Variants in ADSL observed in about 807,000 individuals in gnomAD.
ADSL encodes adenylosuccinase.
A neutral mutation model predicts 62.1 loss-of-function variants in ADSL; 44 were observed. The ratio of observed to expected loss-of-function variants is 0.71; its 90% CI spans 0.56 to 0.91. The LOEUF is 0.91. ADSL is among the 40% of genes least tolerant of loss of function. ADSL has a pLI of 0.00. For missense variants in ADSL, 531 were observed against 627.4 expected (o/e 0.85, Z 1.64); for synonymous variants, 198 against 220.5 (o/e 0.90, Z 0.90).
chr22:40,363,168 C>A, intron 10 of ADSL, 97 bp downstream of exon 10: 1 of 1,148,132 alleles, frequency 8.7e-7, no homozygotes, highest in East Asian at 2.4e-5. Flanking sequence ...TATTCTGATC[C>A]GATAGGCATT....
intron 3 of ADSL, 177 bp downstream of exon 3, chr22:40,353,294 TCTC>T (rs2044419285): frequency 1.4e-6 from 1 of 708,340 alleles, no homozygotes; most frequent in Non-Finnish European, 2.6e-6. Context: ...CCTTTCTTCT[TCTC>T]TTCCTCCTTC....
chr22:40,385,265 TG>T (rs1258018767), intron 2 of ADSL, among the ~76,000 whole-genome samples: 1 of 152,182 alleles, frequency 6.6e-6, no homozygotes, highest in Non-Finnish European at 1.5e-5. Context: ...AGTTGATTGA[TG>T]AAGCATGGGC....
chr22:40,354,871 A>C (rs1246457884), intron 4 of ADSL, among the ~76,000 whole-genome samples: 2 of 151,068 alleles, frequency 1.3e-5, no homozygotes, highest in Admixed American at 1.3e-4. Flanking sequence ...TCCGTCTCAA[A>C]AAAAAAAAAA....
At chr22:40,375,302 G>A (rs1205943702) in intron 2 of ADSL, among the ~76,000 whole-genome samples, 2 of 152,086 alleles carry the variant, frequency 1.3e-5, no homozygotes, top group African/African-American at 4.8e-5. Flanking sequence ...TTGATAGGCC[G>A]GTTGTGGTGG....
chr22:40,347,337 TAGG>T (rs1786376139), intron 1 of ADSL: 1 of 152,488 alleles, frequency 6.6e-6, no homozygotes. Flanking sequence ...CTTTGCCTCT[TAGG>T]AGAAGACTCC....
intron 2 of ADSL, among the ~76,000 whole-genome samples, chr22:40,381,466 T>C (rs1165984527): frequency 1.3e-5 from 2 of 152,184 alleles, no homozygotes; most frequent in Non-Finnish European, 2.9e-5. Flanking sequence ...ATTTTAACGA[T>C]GCAAGATAGT....
At chr22:40,346,766 C>G (rs1397273747) in intron 1 of ADSL, 55 bp downstream of exon 1, 8 of 1,537,430 alleles carry the variant, frequency 5.2e-6, no homozygotes, top group East Asian at 2.4e-5. Context: ...CGCCCCAGCA[C>G]GTGCCGGGCT....
intron 9 of ADSL, 182 bp downstream of exon 9, chr22:40,361,817 C>T: frequency 1.2e-6 from 1 of 807,830 alleles, no homozygotes; most frequent in Non-Finnish European, 2.0e-6. Context: ...GGAGTGTGTA[C>T]TGGGTACTGT....
intron 4 of ADSL, among the ~76,000 whole-genome samples, chr22:40,355,210 C>T (rs890276821): frequency 6.6e-6 from 1 of 152,114 alleles, no homozygotes; most frequent in East Asian, 1.9e-4. Context: ...GATTTTGGCT[C>T]ACTCTCACTA....
intron 2 of ADSL, among the ~76,000 whole-genome samples, chr22:40,376,966 T>A (rs1198379518): frequency 2.0e-5 from 3 of 152,220 alleles, no homozygotes; most frequent in Non-Finnish European, 4.4e-5. Context: ...CTTGTGACCA[T>A]CACTGTCCGG....
intron 7 of ADSL, chr22:40,360,981 G>C: frequency 2.3e-6 from 1 of 438,618 alleles, no homozygotes; most frequent in South Asian, 2.0e-5. Flanking sequence ...GATTACAGGT[G>C]TGAGCCACCG....
At chr22:40,371,675 A>C (rs1470871442), downstream of ADSL, among the ~76,000 whole-genome samples, 2 of 151,744 alleles carry the variant, frequency 1.3e-5, no homozygotes, top group Non-Finnish European at 2.9e-5. Context: ...TTGGTGATTA[A>C]TTTGTAATTC....
intron 2 of ADSL, chr22:40,351,790 A>T (rs2044357060): frequency 6.6e-6 from 1 of 152,168 alleles, no homozygotes; most frequent in South Asian, 2.1e-4. Context: ...AGTAGCTAGG[A>T]CTACAGGCGC....
chr22:40,361,143 G>C, intron 7 of ADSL, 130 bp from the exon 8 acceptor site: 2 of 855,450 alleles, frequency 2.3e-6, no homozygotes, highest in South Asian at 2.7e-5. Context: ...CTCTTTGGGA[G>C]GATGCGCTGG....
intron 3 of ADSL, chr22:40,353,401 T>C: frequency 1.4e-6 from 1 of 702,384 alleles, no homozygotes; most frequent in Non-Finnish European, 2.6e-6. Context: ...CAGACAGCTC[T>C]CCTGTCTCAG....
At chr22:40,379,151 T>C (rs2047143450) in intron 2 of ADSL, among the ~76,000 whole-genome samples, 1 of 152,230 alleles carries the variant, frequency 6.6e-6, no homozygotes, top group Non-Finnish European at 1.5e-5. Context: ...CTTTCCCCTC[T>C]AGAATGCTGG....
intron 2 of ADSL, among the ~76,000 whole-genome samples, chr22:40,351,227 A>G (rs1371949910): frequency 1.3e-5 from 2 of 150,966 alleles, no homozygotes; most frequent in East Asian, 2.0e-4. Flanking sequence ...CTGGAGTGCA[A>G]TGGCGCAATC....
At position 40,346,716 on chromosome 22, in the gene ADSL, C is replaced by T. The variant is rs754370931; in HGVS notation, c.153+5C>T. The T allele has an allele frequency of 6.2e-7, 1 of 1,600,978 alleles. No homozygotes were observed. On this transcript the variant is annotated splice_donor_5th_base_variant and intron_variant, in intron 1 of 12. Transcript: ENST00000623063. ...TGGCTGGCGGAGGCCGAGCAGGTAA[C>T]GGATCCCGGGCTGAGGGGCTGGGCC...
rs1036879990 is a variant in ADSL, at chr22:40,366,701, C to T, written c.*179C>T. The T allele has an allele frequency of 2.5e-5, 15 of 602,958 alleles. No individual in the cohort carries two copies. The highest frequency in any genetic ancestry group is 5.6e-5 in the South Asian group (3 of 53,640). The allele number at this position is 602,958 out of a possible 1,614,324, so 37.4% of individuals were successfully genotyped here. On this transcript the variant is annotated 3_prime_UTR_variant, in exon 13 of 13. Transcript: ENST00000623063. ...TTCTCAACAAGGCAAAAACAAAGAGCGTTGAAGTTGACTCTGCTCTTGCAT... is the reference window on the plus strand; with the variant it reads ...TTCTCAACAAGGCAAAAACAAAGAGTGTTGAAGTTGACTCTGCTCTTGCAT...
Sources: gnomAD v4.1 joint callset for allele counts (sites outside exome capture counted in the v4.1 genomes callset) on GRCh38, gnomAD v4.1.1 for gene constraint, MANE v1.5 for transcripts, NCBI Gene and HGNC (gene_info 2026-07-23, HGNC 2026-07-21) for gene names.